Variants in CNN1 observed in about 807,000 individuals in gnomAD.
The protein encoded by CNN1 is calponin 1, also known as calponin-1.
In CNN1, 21 loss-of-function variants were observed where a neutral mutation model predicts 35.3. That is an observed-to-expected ratio of 0.60 (90% CI 0.42 to 0.86). CNN1 has a LOEUF of 0.86. Among genes scored for constraint, CNN1 ranks in the 40% least tolerant of loss-of-function variants. The pLI, the probability that CNN1 is intolerant of heterozygous loss-of-function variation, is 0.00. For missense variants in CNN1, 314 were observed against 400.8 expected, an observed-to-expected ratio of 0.78 and a Z score of 1.85; for synonymous variants, 164 against 161.8, an observed-to-expected ratio of 1.01 and a Z score of -0.10.
Position 11,549,818 on chromosome 19 carries a change from T to TC in CNN1, c.*29dup. 6.3e-7 allele frequency: 1 copy of TC among 1,581,442 alleles called. No homozygotes were observed. Reference sequence around the variant, plus strand: ...TAGGGCCACAAGGCCTTCCCTGTTTTCCCCCCAAGGGAGGCTGCTGCTGCT... The same window carrying TC: ...TAGGGCCACAAGGCCTTCCCTGTTTTCCCCCCCAAGGGAGGCTGCTGCTGCT... On this transcript the variant is annotated 3_prime_UTR_variant, in exon 7 of 7. Transcript: ENST00000252456. This position sits in a 1 kb window ranked among gnomAD's most constrained non-coding sequence, Gnocchi z 5.2.
chr19:11,541,162 C>T lies in CNN1; in HGVS notation c.150C>T (p.Phe50=), dbSNP rs1051026877. The T allele has an allele frequency of 1.1e-5, 17 of 1,602,890 alleles. No individual in the cohort carries two copies. Among genetic ancestry groups the T allele is most frequent in the Non-Finnish European group, 1.4e-5 (17 of 1,174,186 alleles). Residue 50 remains phenylalanine (F), a synonymous_variant, in exon 2 of 7, where the codon TTC becomes TTT. Transcript: ENST00000252456. The stretch of plus-strand genomic sequence containing the variant: ...CAGGCCGTCGCATCGGCAACAACTT[C>T]ATGGACGGCCTCAAAGATGGCATCA... ...GVTGRRIGNN[F]MDGLKDGIIL... is the part of the protein sequence containing the mutation.
At position 11,546,748 on chromosome 19, in the gene CNN1, C is replaced by T; in HGVS notation, c.252+7C>T. On this transcript the variant is annotated splice_region_variant and intron_variant, in intron 3 of 6. Coordinates refer to ENST00000252456, the MANE Select transcript of CNN1 (RefSeq NM_001299.6). ...AACCCAAAATTGGCACCAGGTGAGC[C>T]CAGACACAATCTCTTCCATCCTTGC... 1 of 1,614,202 alleles carries T rather than the reference C, an allele frequency of 6.2e-7. No individual in the cohort carries two copies. Among genetic ancestry groups the T allele is most frequent in the Non-Finnish European group, 8.5e-7 (1 of 1,180,040 alleles).
In CNN1 at chr19:11,547,833, A is replaced by C. The variant is rs1972624981; in HGVS notation, c.427A>C (p.Lys143Gln). 1 of 1,613,938 alleles carries C rather than the reference A, an allele frequency of 6.2e-7. No homozygotes were observed. Among genetic ancestry groups the C allele is most frequent in the Non-Finnish European group, 8.5e-7 (1 of 1,179,972 alleles). ...AGGAAACAAGGTGAACGTGGGAGTG[A>C]AGTACGCAGAGAAGCAGGAGCGGAA... Reference protein sequence around the residue: ...TKGNKVNVGVKYAEKQERKFE... With the variant: ...TKGNKVNVGVQYAEKQERKFE... The change falls in exon 5 of 7, where the codon AAG becomes CAG. Residue 143 changes from lysine to glutamine, a missense_variant. Lys to Gln is a moderately conservative substitution (Grantham distance 53, BLOSUM62 1). Coordinates refer to ENST00000252456, the MANE Select transcript of CNN1 (RefSeq NM_001299.6).
chr19:11,543,544 G>A lies in CNN1; in HGVS notation c.185+2347G>A, dbSNP rs1369293811. Among the ~76,000 whole-genome samples, 4 of 151,836 alleles carry A rather than the reference G, an allele frequency of 2.6e-5. No homozygotes were observed. The East Asian group carries it at 7.7e-4, about 29-fold the overall frequency. On this transcript the variant is annotated intron_variant, in intron 2 of 6. Coordinates refer to ENST00000252456, the MANE Select transcript of CNN1 (RefSeq NM_001299.6). ...GTCTGTAATCCCAGCACTTTGGGAG[G>A]CTGAGGCAGGCGGATCACGAGGTCA...
At chr19:11,543,347 CAA>C (rs553434409) in intron 2 of CNN1, among the ~76,000 whole-genome samples, 6 of 133,376 alleles carry the variant, frequency 4.5e-5, no homozygotes, top group Non-Finnish European at 6.6e-5. Context: ...AACCCTGTCT[CAA>C]AAAAAAAAAA....
At chr19:11,548,170 C>T (rs1227244556) in intron 5 of CNN1, among the ~76,000 whole-genome samples, 1 of 152,094 alleles carries the variant, frequency 6.6e-6, no homozygotes, top group Admixed American at 6.6e-5. Context: ...CCAGCTGATG[C>T]GTGGCAGGCT....
At position 11,549,227 on chromosome 19, in the gene CNN1, T is replaced by C; in HGVS notation, c.502-96T>C. The C allele has an allele frequency of 7.7e-7, 1 of 1,292,996 alleles. No individual in the cohort carries two copies. The allele number at this position is 1,292,996 out of a possible 1,614,324, so 80.1% of individuals were successfully genotyped here. ...AAAATAAAATAAAAATTGAAAAAAATGATAAAGCGGCGCCTCATCCTCTCC... is the reference window on the plus strand; with the variant it reads ...AAAATAAAATAAAAATTGAAAAAAACGATAAAGCGGCGCCTCATCCTCTCC... On this transcript the variant is annotated intron_variant, in intron 5 of 6. Coordinates refer to ENST00000252456, the MANE Select transcript of CNN1 (RefSeq NM_001299.6). This position sits in a 1 kb window ranked among gnomAD's most constrained non-coding sequence, Gnocchi z 5.2.
intron 2 of CNN1, 147 bp downstream of exon 2, chr19:11,541,344 T>A: frequency 1.9e-6 from 2 of 1,057,816 alleles, no homozygotes. Context: ...TGTGCCCATT[T>A]AACAGGCACA....
intron 2 of CNN1, among the ~76,000 whole-genome samples, chr19:11,544,852 A>G (rs1027132791): frequency 2.0e-5 from 3 of 151,564 alleles, no homozygotes; most frequent in East Asian, 2.0e-4. Flanking sequence ...TCTGAAGGCA[A>G]TGGGAGGCTC....
intron 2 of CNN1, 152 bp from the exon 3 acceptor site, chr19:11,546,523 A>G (rs775098969): frequency 9.5e-6 from 7 of 733,396 alleles, no homozygotes; most frequent in Non-Finnish European, 1.6e-5. Context: ...TTTAGTAGAG[A>G]TGGGGTTTCA....
At chr19:11,548,386 A>G (rs1972639241) in intron 5 of CNN1, among the ~76,000 whole-genome samples, 1 of 151,984 alleles carries the variant, frequency 6.6e-6, no homozygotes. Context: ...CATCTCTACA[A>G]CAAATTTAAG....
chr19:11,548,520 C>T lies in CNN1; in HGVS notation c.501+613C>T, dbSNP rs143067105. ...TTGCATCACTGGACTCCAGCCTGGG[C>T]GACAGAGTGAGACCCTGTCTCTAAA... is the stretch of plus-strand genomic sequence containing the variant. On this transcript the variant is annotated intron_variant, in intron 5 of 6. Coordinates refer to ENST00000252456, the MANE Select transcript of CNN1 (RefSeq NM_001299.6). 3.5e-3 allele frequency among the ~76,000 whole-genome samples: 535 copies of T among 152,212 alleles called. 5 individuals are homozygous for T. The highest frequency in any genetic ancestry group is 0.012 in the African/African-American group (503 of 41,536).
chr19:11,546,642 A>T (rs1972591327), intron 2 of CNN1, 33 bp from the exon 3 acceptor site: 2 of 1,612,502 alleles, frequency 1.2e-6, no homozygotes, highest in African/African-American at 2.7e-5. Flanking sequence ...CCCTGGGGGG[A>T]CACCTTTCTT....
At position 11,549,193 on chromosome 19, in the gene CNN1, A is replaced by AAAAAAAAAATAAAT; in HGVS notation, c.502-127_502-126insAAAAAATAAATAAA. On this transcript the variant is annotated intron_variant, in intron 5 of 6. Transcript: ENST00000252456. This position sits in a 1 kb window ranked among gnomAD's most constrained non-coding sequence, Gnocchi z 5.2. The stretch of plus-strand genomic sequence containing the variant: ...ACAGAGCAAGACTCCGTCTCAAAAA[A>AAAAAAAAAATAAAT]AAATAAATAAAATAAAATAAAAATT... 6 of 1,065,960 alleles carry AAAAAAAAAATAAAT rather than the reference A, an allele frequency of 5.6e-6. No homozygotes were observed. The highest frequency in any genetic ancestry group is 3.3e-5 in the African/African-American group (2 of 60,544). 66.0% of individuals were successfully genotyped at this position (1,065,960 alleles called of 1,614,324 possible).
At position 11,549,887 on chromosome 19, in the gene CNN1, A is replaced by G. The variant is rs1972683569; in HGVS notation, c.*92A>G. 1.3e-6 allele frequency: 2 copies of G among 1,504,104 alleles called. No individual in the cohort carries two copies. Among genetic ancestry groups the G allele is most frequent in the Non-Finnish European group, 1.8e-6 (2 of 1,112,946 alleles). 93.2% of individuals were successfully genotyped at this position (1,504,104 alleles called of 1,614,324 possible). A position where few individuals can be genotyped will look rare whatever the true frequency, so the allele number is the denominator to read the frequency against. On this transcript the variant is annotated 3_prime_UTR_variant, in exon 7 of 7. Coordinates refer to ENST00000252456, the MANE Select transcript of CNN1 (RefSeq NM_001299.6). This position sits in a 1 kb window ranked among gnomAD's most constrained non-coding sequence, Gnocchi z 5.2. ...GGCCCAGCCGACCCCCTCTCCCTGCATGGCATCCTCCAGCCCCTGTAGAAC... is the reference window on the plus strand; with the variant it reads ...GGCCCAGCCGACCCCCTCTCCCTGCGTGGCATCCTCCAGCCCCTGTAGAAC...
rs910272294 is a variant in CNN1 at position 11,549,270 on chromosome 19, G to T, written c.502-53G>T. Reference sequence around the variant, plus strand: ...TCCTCTCCCATCAGCTATGCCTCATGGCCCATGATGAGGTCTGTAATTATT... The same window carrying T: ...TCCTCTCCCATCAGCTATGCCTCATTGCCCATGATGAGGTCTGTAATTATT... On this transcript the variant is annotated intron_variant, in intron 5 of 6. Coordinates refer to ENST00000252456, the MANE Select transcript of CNN1 (RefSeq NM_001299.6). The surrounding 1 kb of genome is among the most constrained non-coding windows in gnomAD (Gnocchi z 5.2). The T allele has an allele frequency of 6.3e-7, 1 of 1,593,488 alleles. No individual in the cohort carries two copies. Among genetic ancestry groups the T allele is most frequent in the Non-Finnish European group, 8.6e-7 (1 of 1,163,244 alleles).
chr19:11,539,039 A>G (rs948681316), intron 1 of CNN1, 49 bp downstream of exon 1: 1 of 1,475,042 alleles, frequency 6.8e-7, no homozygotes, highest in Non-Finnish European at 9.1e-7. Context: ...CTGCCAGGCC[A>G]GAGCCCTGAG....
chr19:11,546,750 A>T lies in CNN1; in HGVS notation c.252+9A>T. 6.2e-7 allele frequency: 1 copy of T among 1,614,220 alleles called. No homozygotes were observed. The highest frequency in any genetic ancestry group is 2.2e-5 in the East Asian group (1 of 44,886). ...CCCAAAATTGGCACCAGGTGAGCCC[A>T]GACACAATCTCTTCCATCCTTGCCC... On this transcript the variant is annotated intron_variant, in intron 3 of 6. Coordinates refer to ENST00000252456, the MANE Select transcript of CNN1 (RefSeq NM_001299.6).
intron 2 of CNN1, 94 bp from the exon 3 acceptor site, chr19:11,546,581 G>A (rs1040757365): frequency 3.0e-4 from 395 of 1,302,212 alleles, no homozygotes; most frequent in Non-Finnish European, 4.1e-4. Flanking sequence ...TGATCCACCC[G>A]CCTTGGCCTC....
Sources: gnomAD v4.1 joint callset for allele counts (sites outside exome capture counted in the v4.1 genomes callset) on GRCh38, gnomAD v4.1.1 for gene constraint, Gnocchi (gnomAD v3.1) non-coding constraint, MANE v1.5 for transcripts, NCBI Gene and HGNC (gene_info 2026-07-23, HGNC 2026-07-21) for gene names.